MAST2: variants seen among roughly 807,000 people sequenced by gnomAD.
MAST2 encodes microtubule associated serine/threonine kinase 2.
Under a neutral mutation model 147.4 loss-of-function variants are expected in MAST2, and 70 were observed. The observed-to-expected ratio is 0.47, with a 90% CI of 0.39 to 0.58. The LOEUF is 0.58. Ranked by LOEUF, MAST2 falls within the 20% of genes least tolerant of loss-of-function variation. The probability of loss-of-function intolerance (pLI) is 0.00; values close to 1 mark genes in which losing one functional copy is unlikely to be tolerated. For missense variants in MAST2, 2,080 were observed against 2,302.3 expected, an observed-to-expected ratio of 0.90 and a Z score of 1.98; for synonymous variants, 869 against 896.8, an observed-to-expected ratio of 0.97 and a Z score of 0.55.
chr1:46,028,082 G>C (rs1346231292), intron 17 of MAST2, among the ~76,000 whole-genome samples: 1 of 152,226 alleles, frequency 6.6e-6, no homozygotes, highest in East Asian at 1.9e-4. Context: ...CTACCTTGTA[G>C]CTAGATGTTA....
chr1:45,850,260 C>G (rs1247246476), intron 3 of MAST2, among the ~76,000 whole-genome samples: 1 of 152,062 alleles, frequency 6.6e-6, no homozygotes, highest in Non-Finnish European at 1.5e-5. Context: ...TGAGAAGTGT[C>G]TGTTCATGTC....
chr1:45,807,690 C>T lies in MAST2; in HGVS notation c.177+3618C>T, dbSNP rs542314331. 1.9e-3 allele frequency among the ~76,000 whole-genome samples: 283 copies of T among 152,024 alleles called. 1 individual carries two copies. Among genetic ancestry groups the T allele is most frequent in the Non-Finnish European group, 3.1e-3 (208 of 67,990 alleles). ...CCCAGTAGCTGGGATTGCAGGCGTC[C>T]GCCACCACGCCTGGCTAATTTTTGT... On this transcript the variant is annotated intron_variant, in intron 1 of 28. Transcript: ENST00000361297.
chr1:45,942,396 A>C (rs999354664), intron 4 of MAST2, among the ~76,000 whole-genome samples: 3 of 152,328 alleles, frequency 2.0e-5, no homozygotes, highest in Admixed American at 2.0e-4. Context: ...TGATGAGGAC[A>C]TGGAGATGCA....
At chr1:45,805,960 A>G (rs534907541) in intron 1 of MAST2, among the ~76,000 whole-genome samples, 1 of 152,308 alleles carries the variant, frequency 6.6e-6, no homozygotes, top group South Asian at 2.1e-4. Context: ...CATTTCTAAT[A>G]TGGTTTGGCT....
chr1:45,925,742 A>G (rs1159220306), intron 4 of MAST2, among the ~76,000 whole-genome samples: 1 of 152,242 alleles, frequency 6.6e-6, no homozygotes, highest in East Asian at 1.9e-4. Context: ...TTCTAGCTTT[A>G]TCTTGCTTCC....
chr1:45,824,604 T>C (rs373625106), intron 2 of MAST2, 24 bp downstream of exon 2: 2 of 1,562,514 alleles, frequency 1.3e-6, no homozygotes, highest in Non-Finnish European at 8.7e-7. Context: ...TTTGTTGTTT[T>C]AAGAAATGTG....
intron 4 of MAST2, among the ~76,000 whole-genome samples, chr1:45,952,724 C>G (rs556157027): frequency 6.6e-6 from 1 of 152,194 alleles, no homozygotes; most frequent in African/African-American, 2.4e-5. Flanking sequence ...CTAGAATTAT[C>G]CATACTTGCT....
chr1:45,908,446 C>A (rs1336268150), intron 4 of MAST2, among the ~76,000 whole-genome samples: 2 of 151,990 alleles, frequency 1.3e-5, no homozygotes, highest in Admixed American at 6.6e-5. Flanking sequence ...TCTAAGCACT[C>A]CTTTAACTGT....
Position 46,010,849 on chromosome 1 carries a change from C to T in MAST2, c.1098C>T (p.Ala366=), listed in dbSNP as rs1336345334. 6.2e-7 allele frequency: 1 copy of T among 1,614,196 alleles called. No individual in the cohort carries two copies. Among genetic ancestry groups the T allele is most frequent in the Non-Finnish European group, 8.5e-7 (1 of 1,180,028 alleles). Residue 366 remains alanine, a synonymous_variant, in exon 10 of 29, where the codon GCC becomes GCT. Transcript: ENST00000361297. ...SFIHHQVIEM[A]RDCLDKSRSG... is the part of the protein sequence containing the mutation. ...TTCATCATCAGGTGATTGAGATGGC[C>T]CGAGACTGCCTGGATAAATCTCGGA... is the stretch of plus-strand genomic sequence containing the variant.
At chr1:45,986,392 G>A (rs564699761) in intron 5 of MAST2, among the ~76,000 whole-genome samples, 5 of 152,214 alleles carry the variant, frequency 3.3e-5, no homozygotes, top group African/African-American at 7.2e-5. Context: ...TGGTCATGAT[G>A]TATTTGCTCC....
intron 5 of MAST2, among the ~76,000 whole-genome samples, chr1:45,961,135 G>A (rs1290804193): frequency 6.6e-6 from 1 of 151,994 alleles, no homozygotes; most frequent in African/African-American, 2.4e-5. Context: ...TCAATCACAA[G>A]CTGTCACTTT....
chr1:45,853,391 G>A (rs1335072860), intron 3 of MAST2, among the ~76,000 whole-genome samples: 1 of 151,682 alleles, frequency 6.6e-6, no homozygotes, highest in African/African-American at 2.4e-5. Context: ...CAGAGTCTCT[G>A]TCACCTAGGC....
At chr1:45,967,081 CT>C (rs988996029) in intron 5 of MAST2, among the ~76,000 whole-genome samples, 86 of 145,462 alleles carry the variant, frequency 5.9e-4, no homozygotes, top group East Asian at 2.2e-3. Context: ...CCCAGGCAGG[CT>C]TTTTTTTTTG....
At chr1:45,986,501 G>C (rs1018345353) in intron 5 of MAST2, among the ~76,000 whole-genome samples, 4 of 152,066 alleles carry the variant, frequency 2.6e-5, no homozygotes, top group African/African-American at 7.2e-5. Context: ...GGATCACGAG[G>C]TTAGGAGCTG....
chr1:45,861,395 C>T (rs1570415971), intron 3 of MAST2, among the ~76,000 whole-genome samples: 1 of 151,718 alleles, frequency 6.6e-6, no homozygotes, highest in African/African-American at 2.4e-5. Context: ...TTTTCTTGTT[C>T]TCTGTATTAT....
chr1:45,840,289 G>T (rs1645234020), intron 3 of MAST2, among the ~76,000 whole-genome samples: 2 of 152,192 alleles, frequency 1.3e-5, no homozygotes, highest in South Asian at 4.1e-4. Context: ...TTTGGAGGTA[G>T]AAATCTAGAA....
intron 3 of MAST2, among the ~76,000 whole-genome samples, chr1:45,841,660 T>A (rs1407960011): frequency 6.6e-6 from 1 of 152,050 alleles, no homozygotes; most frequent in Non-Finnish European, 1.5e-5. Flanking sequence ...TCACTGGTGG[T>A]AAAAGAATTT....
At chr1:45,902,856 A>G (rs1164889656) in intron 4 of MAST2, among the ~76,000 whole-genome samples, 1 of 151,944 alleles carries the variant, frequency 6.6e-6, no homozygotes, top group Admixed American at 6.6e-5. Context: ...GATTGTGCTT[A>G]TTTAAATCTT....
intron 4 of MAST2, among the ~76,000 whole-genome samples, chr1:45,929,364 AT>A (rs1189938850): frequency 6.6e-6 from 1 of 152,122 alleles, no homozygotes; most frequent in Non-Finnish European, 1.5e-5. Context: ...CGTTGTGAAG[AT>A]TGTTTGCCCA....
Sources: allele counts gnomAD v4.1 joint callset (sites outside exome capture counted in the v4.1 genomes callset), GRCh38; gene constraint gnomAD v4.1.1; transcripts MANE v1.5; gene names NCBI Gene and HGNC (gene_info 2026-07-23, HGNC 2026-07-21).